MYO16: variants seen among roughly 807,000 people sequenced by gnomAD.
MYO16 encodes the protein myosin XVI, also known as unconventional myosin-XVI.
A neutral mutation model predicts 205.3 loss-of-function variants in MYO16; 94 were observed. That is an observed-to-expected ratio of 0.46 (90% confidence interval 0.39 to 0.54). The LOEUF (loss-of-function observed/expected upper bound fraction) is 0.54. Ranked by LOEUF, MYO16 falls within the 20% of genes least tolerant of loss-of-function variation. The pLI is 0.00. For synonymous variants in MYO16, 988 were observed against 954.0 expected (o/e 1.04, Z -0.66); for missense variants, 2,315 against 2,387.5 (o/e 0.97, Z 0.63).
intron 3 of MYO16, among the ~76,000 whole-genome samples, chr13:108,721,928 G>A (rs1375865617): frequency 6.6e-6 from 1 of 152,110 alleles, no homozygotes; most frequent in African/African-American, 2.4e-5. Flanking sequence ...TTGATTAAAG[G>A]GCTTGGTAAT....
At chr13:108,690,904 C>T (rs980422653) in intron 2 of MYO16, among the ~76,000 whole-genome samples, 4 of 152,064 alleles carry the variant, frequency 2.6e-5, no homozygotes, top group African/African-American at 9.7e-5. Context: ...AGTTTCAGTT[C>T]AAGTATATTA....
intron 29 of MYO16, among the ~76,000 whole-genome samples, chr13:109,120,852 C>T (rs1486366549): frequency 6.6e-6 from 1 of 152,024 alleles, no homozygotes; most frequent in East Asian, 1.9e-4. Flanking sequence ...GAGTTCAAGA[C>T]CAGCCTGGGC....
At chr13:109,131,204 A>T (rs540043059) in intron 31 of MYO16, among the ~76,000 whole-genome samples, 14 of 152,348 alleles carry the variant, frequency 9.2e-5, no homozygotes, top group African/African-American at 3.4e-4. Flanking sequence ...ATCAAGTTCA[A>T]GTTCTTTTCC....
At chr13:108,596,528 T>C (rs909910610) in intron 1 of MYO16, among the ~76,000 whole-genome samples, 1 of 152,150 alleles carries the variant, frequency 6.6e-6, no homozygotes, top group African/African-American at 2.4e-5. Context: ...GAGGAAATAT[T>C]GAAAAGTTTT....
intron 4 of MYO16, among the ~76,000 whole-genome samples, chr13:108,744,393 T>G (rs140901935): frequency 6.5e-4 from 99 of 152,340 alleles, no homozygotes; most frequent in African/African-American, 2.2e-3. Flanking sequence ...ATAAGCCTTT[T>G]TCTTCAAATT....
In MYO16 at chr13:108,890,104, A is replaced by ATTTTTTTTTTTTT. The variant is rs60627565; in HGVS notation, c.1659+1636_1659+1648dup. Among the ~76,000 whole-genome samples, 116 of 94,878 alleles carry ATTTTTTTTTTTTT rather than the reference A, an allele frequency of 1.2e-3. 1 individual carries two copies. The highest frequency in any genetic ancestry group is 1.9e-3 in the Non-Finnish European group (99 of 51,796). 62.2% of individuals were successfully genotyped at this position (94,878 alleles called of 152,430 possible). A position where few individuals can be genotyped will look rare whatever the true frequency, so the allele number is the denominator to read the frequency against. ...GTGTCTCTGCCTAGCTAATTTTTGT[A>ATTTTTTTTTTTTT]TTTTTTTTTTTTTTTTTTTTTGTGG... On this transcript the variant is annotated intron_variant, in intron 14 of 34. Transcript: ENST00000457511.
intron 4 of MYO16, among the ~76,000 whole-genome samples, chr13:108,752,286 C>G (rs1324393410): frequency 6.6e-6 from 1 of 152,174 alleles, no homozygotes; most frequent in East Asian, 1.9e-4. Context: ...AAGTCAACAT[C>G]TGTAATTTAT....
the MYO16 span, among the ~76,000 whole-genome samples, chr13:108,586,815 G>C: frequency 6.6e-6 from 1 of 152,178 alleles, no homozygotes; most frequent in Non-Finnish European, 1.5e-5. Flanking sequence ...TCAGTCTGGA[G>C]TTACTTTCAA....
chr13:109,174,997 G>A lies in MYO16; in HGVS notation c.5324-4545G>A, dbSNP rs368787033. On this transcript the variant is annotated intron_variant, in intron 33 of 34. Coordinates refer to ENST00000457511, the MANE Select transcript of MYO16 (RefSeq NM_001198950.3). The stretch of plus-strand genomic sequence containing the variant: ...GATCTGCTGACCTCGTGATCTGCCC[G>A]CCTCAGCCTCTCAAAGTGCTGGTAT... 3.0e-4 allele frequency among the ~76,000 whole-genome samples: 45 copies of A among 151,792 alleles called. 1 individual carries two copies. Among genetic ancestry groups the A allele is most frequent in the Admixed American group, 3.9e-4 (6 of 15,230 alleles).
chr13:108,800,078 T>C (rs530600123), intron 6 of MYO16, among the ~76,000 whole-genome samples: 49 of 152,272 alleles, frequency 3.2e-4, no homozygotes, highest in African/African-American at 1.1e-3. Flanking sequence ...CTCTTCCAAA[T>C]GGTCCTTTAT....
chr13:108,724,662 G>C (rs987185856), intron 3 of MYO16, among the ~76,000 whole-genome samples: 5 of 151,900 alleles, frequency 3.3e-5, no homozygotes, highest in African/African-American at 1.2e-4. Context: ...TGTTATTTTG[G>C]TGGTTGCTTT....
intron 16 of MYO16, among the ~76,000 whole-genome samples, chr13:108,951,153 A>G (rs534251032): frequency 6.6e-6 from 1 of 152,208 alleles, no homozygotes; most frequent in African/African-American, 2.4e-5. Flanking sequence ...GAATATGGAA[A>G]AGAACAAAAA....
In MYO16 at chr13:108,898,044, A is replaced by G. The variant is rs1394096820; in HGVS notation, c.1688A>G (p.His563Arg). 1 of 1,614,026 alleles carries G rather than the reference A, an allele frequency of 6.2e-7. No homozygotes were observed. Among genetic ancestry groups the G allele is most frequent in the Admixed American group, 1.7e-5 (1 of 60,018 alleles). ...HVVCILEAFG[H>R]AKTTLNDLSS... ...GTGTGCATCTTAGAAGCCTTTGGAC[A>G]TGCCAAGACCACACTTAATGATTTG... The change falls in exon 15 of 35, where the codon CAT becomes CGT. Residue 563 changes from histidine to arginine, a missense_variant. Coordinates refer to ENST00000457511, the MANE Select transcript of MYO16 (RefSeq NM_001198950.3).
At chr13:108,528,434 A>G in the MYO16 span, among the ~76,000 whole-genome samples, 1 of 152,154 alleles carries the variant, frequency 6.6e-6, no homozygotes, top group African/African-American at 2.4e-5. Context: ...ACATGGAGCT[A>G]TCTGTTCTAA....
chr13:109,023,360 A>C (rs1450048068), intron 23 of MYO16, among the ~76,000 whole-genome samples: 5 of 71,892 alleles, frequency 7.0e-5, no homozygotes, highest in East Asian at 1.0e-3. Flanking sequence ...TTATACAGAT[A>C]TAAATATATA....
chr13:108,620,380 C>T (rs1879495128), intron 1 of MYO16, among the ~76,000 whole-genome samples: 1 of 152,012 alleles, frequency 6.6e-6, no homozygotes. Flanking sequence ...TAGGGCTGCT[C>T]TGATGTTTGA....
chr13:108,656,997 A>G (rs1369444348), intron 1 of MYO16, among the ~76,000 whole-genome samples: 1 of 152,184 alleles, frequency 6.6e-6, no homozygotes, highest in East Asian at 1.9e-4. Flanking sequence ...ACATCCCTCT[A>G]AGAGGCTCAC....
intron 4 of MYO16, among the ~76,000 whole-genome samples, chr13:108,731,091 G>A (rs7323502): frequency 0.065 from 9,952 of 152,116 alleles, 1,052 homozygotes; most frequent in African/African-American, 0.22. Flanking sequence ...TAAAATAAAC[G>A]TCTCTTCTGC....
chr13:108,759,385 T>C (rs919189562), intron 4 of MYO16, among the ~76,000 whole-genome samples: 3 of 152,256 alleles, frequency 2.0e-5, no homozygotes, highest in Non-Finnish European at 4.4e-5. Flanking sequence ...TTTGTCTTGT[T>C]GGCATGTGTT....
Sources: allele counts gnomAD v4.1 joint callset (sites outside exome capture counted in the v4.1 genomes callset), GRCh38; gene constraint gnomAD v4.1.1; transcripts MANE v1.5; gene names NCBI Gene and HGNC (gene_info 2026-07-23, HGNC 2026-07-21).